GALNT2: variants seen among roughly 807,000 people sequenced by gnomAD.
GALNT2 encodes polypeptide N-acetylgalactosaminyltransferase 2, also known as UDP-GalNAc:polypeptide N-acetylgalactosaminyltransferase 2.
GALNT2 carries 31 observed loss-of-function variants against 81.4 expected under a neutral mutation model. The observed-to-expected ratio is 0.38, with a 90% confidence interval of 0.29 to 0.51. The LOEUF is 0.51. Among genes scored for constraint, GALNT2 ranks in the 20% least tolerant of loss-of-function variants. The pLI is 0.87. For missense variants in GALNT2, 629 were observed against 765.7 expected (o/e 0.82, Z 2.11); for synonymous variants, 303 against 287.4 (o/e 1.05, Z -0.55).
At chr1:230,168,223 C>T (rs1409988923) in intron 1 of GALNT2, among the ~76,000 whole-genome samples, 1 of 152,216 alleles carries the variant, frequency 6.6e-6, no homozygotes, top group Admixed American at 6.5e-5. Context: ...TATATCATCT[C>T]TTAAAGGACC....
intron 1 of GALNT2, among the ~76,000 whole-genome samples, chr1:230,119,193 T>C (rs1660937865): frequency 1.3e-5 from 2 of 152,246 alleles, no homozygotes; most frequent in Admixed American, 1.3e-4. Flanking sequence ...TCATACAACC[T>C]CTGGTTCTTG....
At chr1:230,091,371 G>A (rs1471336318) in intron 1 of GALNT2, among the ~76,000 whole-genome samples, 1 of 152,018 alleles carries the variant, frequency 6.6e-6, no homozygotes, top group African/African-American at 2.4e-5. Flanking sequence ...ATTGTGCCCG[G>A]TCCTCAGCAA....
chr1:230,099,697 G>T (rs943110676), intron 1 of GALNT2, among the ~76,000 whole-genome samples: 4 of 152,234 alleles, frequency 2.6e-5, no homozygotes, highest in African/African-American at 9.6e-5. Flanking sequence ...CTGGAAGGGA[G>T]GTGTCTGCCT....
At chr1:230,266,732 G>A (rs565237552) in intron 14 of GALNT2, among the ~76,000 whole-genome samples, 66 of 152,158 alleles carry the variant, frequency 4.3e-4, no homozygotes, top group Non-Finnish European at 8.4e-4. Context: ...CATGGGGCAG[G>A]TAGCCAGGGC....
At position 230,070,908 on chromosome 1, in the gene GALNT2, T is replaced by C. The variant is rs748287905; in HGVS notation, c.126+3502T>C. Among the ~76,000 whole-genome samples the C allele has an allele frequency of 2.0e-5, 3 of 152,226 alleles. No homozygotes were observed. The highest frequency in any genetic ancestry group is 2.1e-4 in the South Asian group (1 of 4,836). ...AAGGGAAATGGCACAAATCCACTTA[T>C]TGGCATTGAGTGAGACCTAGCTGTT... On this transcript the variant is annotated intron_variant, in intron 1 of 15. Transcript: ENST00000366672. This position sits in a 1 kb window ranked among gnomAD's most constrained non-coding sequence, Gnocchi z 4.7.
intron 1 of GALNT2, among the ~76,000 whole-genome samples, chr1:230,097,562 C>T (rs549330917): frequency 1.3e-4 from 20 of 152,316 alleles, no homozygotes; most frequent in South Asian, 6.2e-4. Context: ...CCTGTTAGAG[C>T]GTGTGTCGGA....
chr1:230,183,061 A>G (rs6662573), intron 2 of GALNT2, among the ~76,000 whole-genome samples: 6,222 of 152,312 alleles, frequency 0.041, 505 homozygotes, highest in East Asian at 0.38. Flanking sequence ...TCAGAAATTA[A>G]TATAGCTATT....
rs76582774 is a variant in GALNT2, at chr1:230,162,228, A to G, written c.127-15990A>G. 1.2e-4 allele frequency among the ~76,000 whole-genome samples: 19 copies of G among 152,324 alleles called. No individual in the cohort carries two copies. In the East Asian group the frequency reaches 3.7e-3, roughly 29 times the overall value. On this transcript the variant is annotated intron_variant, in intron 1 of 15. Transcript: ENST00000366672. The stretch of plus-strand genomic sequence containing the variant: ...CTTTAAGTCTCCCAGCACTTAATTC[A>G]TCTGGTCCAACACATGCCGGGTTCT...
chr1:230,267,038 C>T (rs924444568), intron 14 of GALNT2, among the ~76,000 whole-genome samples: 1 of 151,658 alleles, frequency 6.6e-6, no homozygotes, highest in East Asian at 2.0e-4. Context: ...ATGCTCATCA[C>T]GTTCTCACAC....
chr1:230,243,144 C>G lies in GALNT2; in HGVS notation c.608-162C>G, dbSNP rs572571927. ...ATTAAAAGTTCTGACAATAGTCTGTCTCATGGAGCAGTTTTGATCTCATCC... is the reference window on the plus strand; with the variant it reads ...ATTAAAAGTTCTGACAATAGTCTGTGTCATGGAGCAGTTTTGATCTCATCC... On this transcript the variant is annotated intron_variant, in intron 6 of 15. Transcript: ENST00000366672. The surrounding 1 kb of genome is among the most constrained non-coding windows in gnomAD (Gnocchi z 4.2). Among the ~76,000 whole-genome samples the G allele has an allele frequency of 8.5e-5, 13 of 152,350 alleles. No individual in the cohort carries two copies. The highest frequency in any genetic ancestry group is 2.4e-4 in the African/African-American group (10 of 41,572).
chr1:230,250,974 G>T (rs964880899), intron 10 of GALNT2, among the ~76,000 whole-genome samples: 2 of 152,148 alleles, frequency 1.3e-5, no homozygotes, highest in South Asian at 2.1e-4. Flanking sequence ...ATCCGATGGG[G>T]CAGGGAGGCC....
At chr1:230,118,588 A>G (rs1178715370) in intron 1 of GALNT2, among the ~76,000 whole-genome samples, 1 of 152,210 alleles carries the variant, frequency 6.6e-6, no homozygotes, top group Non-Finnish European at 1.5e-5. Context: ...GGCCAGAAGC[A>G]CAAGTATGGC....
intron 3 of GALNT2, among the ~76,000 whole-genome samples, chr1:230,227,798 T>C (rs1664759085): frequency 6.6e-6 from 1 of 152,172 alleles, no homozygotes; most frequent in African/African-American, 2.4e-5. Context: ...AAAATCTGCT[T>C]GTGTTCAATT....
At chr1:230,202,320 C>G (rs1343607461) in intron 2 of GALNT2, among the ~76,000 whole-genome samples, 1 of 152,308 alleles carries the variant, frequency 6.6e-6, no homozygotes. Flanking sequence ...CTCATCCTGA[C>G]TTCACTCGCC....
At chr1:230,105,590 G>T (rs762000594) in intron 1 of GALNT2, among the ~76,000 whole-genome samples, 1 of 152,154 alleles carries the variant, frequency 6.6e-6, no homozygotes, top group Admixed American at 6.5e-5. Context: ...GGAACATAGA[G>T]TCTCTGTGTC....
intron 1 of GALNT2, among the ~76,000 whole-genome samples, chr1:230,089,941 G>GT (rs1396322842): frequency 6.6e-6 from 1 of 152,138 alleles, no homozygotes; most frequent in African/African-American, 2.4e-5. Flanking sequence ...TGGGAGTTCT[G>GT]TTTTTTAATA....
intron 3 of GALNT2, among the ~76,000 whole-genome samples, chr1:230,211,946 T>C (rs968937109): frequency 3.9e-5 from 6 of 152,140 alleles, no homozygotes; most frequent in African/African-American, 1.2e-4. Context: ...TGAGCTCAGT[T>C]TGCAGAGCAG....
At chr1:230,086,414 A>G (rs1659900281) in intron 1 of GALNT2, among the ~76,000 whole-genome samples, 2 of 152,154 alleles carry the variant, frequency 1.3e-5, no homozygotes, top group Non-Finnish European at 2.9e-5. Flanking sequence ...GTGAGGAAAA[A>G]TGCCTAAGTC....
intron 1 of GALNT2, among the ~76,000 whole-genome samples, chr1:230,173,384 C>T (rs540742244): frequency 1.3e-5 from 2 of 152,270 alleles, no homozygotes; most frequent in African/African-American, 2.4e-5. Context: ...AGTATTTGGT[C>T]AGAGCTGCTG....
Sources: gnomAD v4.1 joint callset for allele counts (sites outside exome capture counted in the v4.1 genomes callset) on GRCh38, gnomAD v4.1.1 for gene constraint, Gnocchi (gnomAD v3.1) non-coding constraint, MANE v1.5 for transcripts, NCBI Gene and HGNC (gene_info 2026-07-23, HGNC 2026-07-21) for gene names.